TUSC3: variants seen among roughly 807,000 people sequenced by gnomAD.
TUSC3 encodes dolichyl-diphosphooligosaccharide--protein glycosyltransferase subunit TUSC3.
TUSC3 carries 45 observed loss-of-function variants against 44.8 expected under a neutral mutation model. The ratio of observed to expected loss-of-function variants is 1.00; its 90% confidence interval spans 0.79 to 1.29. The LOEUF (loss-of-function observed/expected upper bound fraction) is 1.29. Ranked by LOEUF, TUSC3 falls within the 50% of genes most tolerant of loss-of-function variation. The pLI is 0.00. For missense variants in TUSC3, 519 were observed against 437.9 expected (o/e 1.19, Z -1.65); for synonymous variants, 212 against 152.9 (o/e 1.39, Z -2.85).
chr8:15,606,261 A>G (rs1293645746), intron 1 of TUSC3, among the ~76,000 whole-genome samples: 2 of 152,072 alleles, frequency 1.3e-5, no homozygotes, highest in Non-Finnish European at 2.9e-5. Context: ...AGTAAATACA[A>G]TACAGTACTA....
intron 5 of TUSC3, among the ~76,000 whole-genome samples, chr8:15,667,985 A>C (rs952130871): frequency 6.6e-6 from 1 of 151,696 alleles, no homozygotes; most frequent in East Asian, 1.9e-4. Flanking sequence ...TCAGCTCACC[A>C]CAGGGCTATG....
chr8:15,492,360 A>G (rs903294901), intron 2 of TUSC3, among the ~76,000 whole-genome samples: 1 of 152,196 alleles, frequency 6.6e-6, no homozygotes, highest in Non-Finnish European at 1.5e-5. Flanking sequence ...TGGTATTAAT[A>G]TCATTCCCAC....
chr8:15,428,660 T>G (rs1040685362), intron 1 of TUSC3, among the ~76,000 whole-genome samples: 8 of 152,210 alleles, frequency 5.3e-5, no homozygotes, highest in Non-Finnish European at 7.3e-5. Flanking sequence ...ATGATCGCCA[T>G]TCTAACTGGT....
chr8:15,623,200 A>G lies in TUSC3; in HGVS notation c.259A>G (p.Ile87Val), dbSNP rs759296891. The change falls in exon 2 of 11, where the codon ATT (isoleucine) becomes GTT (valine). Residue 87 changes from isoleucine to valine, a missense_variant. Coordinates refer to ENST00000503731, the MANE Select transcript of TUSC3 (RefSeq NM_006765.4). ...IKAPPRNYSM[I>V]VMFTALQPQR... ...GGCACCACCTCGAAACTATTCCATGATTGTTATGTTCACTGCTCTTCAGCC... is the reference window on the plus strand; with the variant it reads ...GGCACCACCTCGAAACTATTCCATGGTTGTTATGTTCACTGCTCTTCAGCC... 6 of 1,613,212 alleles carry G rather than the reference A, an allele frequency of 3.7e-6. No homozygotes were observed. Among genetic ancestry groups the G allele is most frequent in the Admixed American group, 3.3e-5 (2 of 59,942 alleles).
intron 2 of TUSC3, among the ~76,000 whole-genome samples, chr8:15,525,455 CTAT>C (rs937167216): frequency 6.6e-6 from 1 of 152,172 alleles, no homozygotes; most frequent in Admixed American, 6.5e-5. Context: ...AATAGTCCTA[CTAT>C]TATTTTTAAA....
rs751401152 is a variant in TUSC3 at position 15,662,192 on chromosome 8, A to G, written c.604A>G (p.Ile202Val). The change falls in exon 5 of 11, where the codon ATT (isoleucine) becomes GTT (valine). Residue 202 changes from isoleucine (I) to valine (V), a missense_variant. Physicochemically the swap from Ile to Val is conservative, Grantham distance 29. Transcript: ENST00000503731. ...CAGACCACCCAACTACTCTGGTACCATTGCTTTGGCCCTGTTAGTGTCGCT... is the reference window on the plus strand; with the variant it reads ...CAGACCACCCAACTACTCTGGTACCGTTGCTTTGGCCCTGTTAGTGTCGCT... The part of the protein sequence containing the change: ...VFRPPNYSGT[I>V]ALALLVSLVG... The G allele has an allele frequency of 3.1e-6, 5 of 1,612,924 alleles. No homozygotes were observed. The East Asian group carries it at 6.7e-5, about 22-fold the overall frequency.
At chr8:15,515,744 T>C (rs1801208256) in intron 2 of TUSC3, among the ~76,000 whole-genome samples, 1 of 152,146 alleles carries the variant, frequency 6.6e-6, no homozygotes, top group Non-Finnish European at 1.5e-5. Context: ...CTCGGCCCAC[T>C]GCAACCTCTC....
the TUSC3 span, among the ~76,000 whole-genome samples, chr8:15,840,288 A>G: frequency 1.3e-5 from 2 of 152,140 alleles, no homozygotes; most frequent in African/African-American, 4.8e-5. Context: ...GTGATGAGTT[A>G]ATGGGTGCAG....
At position 15,676,464 on chromosome 8, in the gene TUSC3, CT is replaced by C. The variant is rs1419988744; in HGVS notation, c.798+2632del. ...ATAGTTTCTTTTGCTGTGCCAAAGC[CT>C]TTTAGTTTAATTAGGTCCCACTTGA... On this transcript the variant is annotated intron_variant, in intron 6 of 10. Transcript: ENST00000503731. 1.3e-4 allele frequency among the ~76,000 whole-genome samples: 20 copies of C among 152,206 alleles called. No homozygotes were observed. In the East Asian group the frequency reaches 3.7e-3, roughly 28 times the overall value.
intron 10 of TUSC3, among the ~76,000 whole-genome samples, chr8:15,760,224 A>C (rs1291739085): frequency 6.6e-6 from 1 of 152,182 alleles, no homozygotes; most frequent in African/African-American, 2.4e-5. Flanking sequence ...CAAAATGAAG[A>C]AAATATATTC....
At chr8:15,426,428 T>C (rs1307597053) in intron 1 of TUSC3, among the ~76,000 whole-genome samples, 1 of 152,094 alleles carries the variant, frequency 6.6e-6, no homozygotes, top group Non-Finnish European at 1.5e-5. Context: ...TATTGTATTC[T>C]TTATTGTATT....
At chr8:15,525,469 T>C (rs1220586724) in intron 2 of TUSC3, among the ~76,000 whole-genome samples, 1 of 152,240 alleles carries the variant, frequency 6.6e-6, no homozygotes, top group African/African-American at 2.4e-5. Flanking sequence ...TATTTTTAAA[T>C]AAGTTGCTTC....
At chr8:15,778,105 AAAAAAAC>A in the TUSC3 span, among the ~76,000 whole-genome samples, 180 of 141,714 alleles carry the variant, frequency 1.3e-3, no homozygotes, top group African/African-American at 4.1e-3. Flanking sequence ...AAGGCAAAAA[AAAAAAAC>A]AAAAAACCAA....
intron 3 of TUSC3, among the ~76,000 whole-genome samples, chr8:15,658,296 C>G (rs184607337): frequency 1.3e-5 from 2 of 152,138 alleles, no homozygotes; most frequent in East Asian, 1.9e-4. Flanking sequence ...CTTGTTTGTG[C>G]TAAGTTGTGT....
rs750727934 is a variant in TUSC3 at position 15,540,442 on chromosome 8, G to C, written c.12G>C (p.Arg4=). MGA[R]GAPSRRRQAG... is the part of the protein sequence containing the mutation. Reference sequence around the variant, plus strand: ...ACTGCCCTGCCGCGATGGGGGCCCGGGGCGCTCCTTCACGCCGTAGGCAAG... The same window carrying C: ...ACTGCCCTGCCGCGATGGGGGCCCGCGGCGCTCCTTCACGCCGTAGGCAAG... The change falls in exon 1 of 11, where the codon CGG becomes CGC. Residue 4 remains arginine, a synonymous_variant. Coordinates refer to ENST00000503731, the MANE Select transcript of TUSC3 (RefSeq NM_006765.4). The C allele has an allele frequency of 1.1e-5, 17 of 1,596,958 alleles. No homozygotes were observed. In the South Asian group the frequency reaches 1.1e-4, roughly 11 times the overall value.
At chr8:15,523,101 A>G (rs1367120884) in intron 2 of TUSC3, among the ~76,000 whole-genome samples, 1 of 152,160 alleles carries the variant, frequency 6.6e-6, no homozygotes, top group Non-Finnish European at 1.5e-5. Context: ...CTAAGTCAAT[A>G]AAGCATCTGC....
intron 7 of TUSC3, among the ~76,000 whole-genome samples, chr8:15,736,431 CT>C (rs549546196): frequency 4.1e-4 from 63 of 152,150 alleles, no homozygotes; most frequent in African/African-American, 1.5e-3. Flanking sequence ...GTTTAAAACT[CT>C]TTATATAATT....
rs114784538 is a variant in TUSC3, at chr8:15,625,885, T to C, written c.308+2636T>C. On this transcript the variant is annotated intron_variant, in intron 2 of 10. Coordinates refer to ENST00000503731, the MANE Select transcript of TUSC3 (RefSeq NM_006765.4). ...GCACGTTAGGTGATTTTGAATTCTA[T>C]TACTATCAAATTTGAGGACCAGTAC... Among the ~76,000 whole-genome samples, 810 of 152,326 alleles carry C rather than the reference T, an allele frequency of 5.3e-3. 1 individual carries two copies. Among genetic ancestry groups the C allele is most frequent in the African/African-American group, 0.018 (731 of 41,568 alleles).
At chr8:15,692,357 ACCCCCC>A (rs57593991) in intron 6 of TUSC3, among the ~76,000 whole-genome samples, 1 of 88,146 alleles carries the variant, frequency 1.1e-5, no homozygotes, top group African/African-American at 4.2e-5. Context: ...TTGGGAGGAG[ACCCCCC>A]CCCCCCCCTT....
Sources: allele counts gnomAD v4.1 joint callset (sites outside exome capture counted in the v4.1 genomes callset), GRCh38; gene constraint gnomAD v4.1.1; transcripts MANE v1.5; gene names NCBI Gene and HGNC (gene_info 2026-07-23, HGNC 2026-07-21).